Variants in S100Z observed in about 807,000 individuals in gnomAD.
S100Z encodes the protein protein S100-Z.
In S100Z, 11 loss-of-function variants were observed where a neutral mutation model predicts 8.5. The ratio of observed to expected loss-of-function variants is 1.30; its 90% CI spans 0.82 to 2.15. The LOEUF is 2.15. Ranked by LOEUF, S100Z falls within the 30% of genes most tolerant of loss-of-function variation. The pLI, the probability that S100Z is intolerant of heterozygous loss-of-function variation, is 0.00. For missense variants in S100Z, 126 were observed against 117.9 expected, an observed-to-expected ratio of 1.07 and a Z score of -0.32; for synonymous variants, 34 against 43.8, an observed-to-expected ratio of 0.78 and a Z score of 0.89.
At chr5:76,952,309 A>G in the S100Z span, among the ~76,000 whole-genome samples, 2 of 152,240 alleles carry the variant, frequency 1.3e-5, 1 homozygote, top group East Asian at 3.8e-4. Flanking sequence ...ATGGATGCGA[A>G]GGTCATGGCT....
chr5:76,877,419 C>T (rs1231874285), intron 3 of S100Z, among the ~76,000 whole-genome samples: 3 of 152,194 alleles, frequency 2.0e-5, no homozygotes. Flanking sequence ...GCAACAGTCA[C>T]TCACTTTGAT....
chr5:76,856,687 A>G (rs1750890877), intron 1 of S100Z, among the ~76,000 whole-genome samples: 2 of 152,248 alleles, frequency 1.3e-5, no homozygotes, highest in South Asian at 4.1e-4. Context: ...TAAAAGCAAG[A>G]TAGGCAATAG....
chr5:76,867,263 C>T (rs1312605114), intron 1 of S100Z, among the ~76,000 whole-genome samples: 1 of 152,168 alleles, frequency 6.6e-6, no homozygotes, highest in Non-Finnish European at 1.5e-5. Context: ...CACTGAGATT[C>T]CTCATGCTGT....
chr5:76,882,187 TAGAG>T (rs1487571304), intron 4 of S100Z, among the ~76,000 whole-genome samples: 2 of 152,096 alleles, frequency 1.3e-5, no homozygotes, highest in African/African-American at 4.8e-5. Flanking sequence ...ATGAGAACTA[TAGAG>T]AGTGAGTTGA....
intron 4 of S100Z, among the ~76,000 whole-genome samples, chr5:76,897,775 T>C (rs2150667200): frequency 6.6e-6 from 1 of 152,340 alleles, no homozygotes; most frequent in South Asian, 2.1e-4. Context: ...AATTTCTTTT[T>C]TTTGCATTGT....
chr5:76,929,174 C>T, the S100Z span, among the ~76,000 whole-genome samples: 1 of 152,202 alleles, frequency 6.6e-6, no homozygotes, highest in Non-Finnish European at 1.5e-5. Flanking sequence ...GCACCCAACA[C>T]ATGGAAAAAC....
chr5:76,888,109 T>C lies in S100Z; in HGVS notation c.*2+10275T>C, dbSNP rs572316590. On this transcript the variant is annotated intron_variant, in intron 4 of 4. Transcript: ENST00000317593. ...CATCTCTACTAAAAAATACAAAAATTAGCTAGGCATGGTAGTGTGTGCCTG... is the reference window on the plus strand; with the variant it reads ...CATCTCTACTAAAAAATACAAAAATCAGCTAGGCATGGTAGTGTGTGCCTG... 7.2e-4 allele frequency among the ~76,000 whole-genome samples: 109 copies of C among 151,372 alleles called. 1 individual carries two copies. Among genetic ancestry groups the C allele is most frequent in the African/African-American group, 2.5e-3 (102 of 41,266 alleles).
In S100Z at chr5:76,851,133, C is replaced by T. The variant is rs577530865; in HGVS notation, c.-176+978C>T. The stretch of plus-strand genomic sequence containing the variant: ...GAGGTGATACAGGGGCACCCAGAGG[C>T]GGAGTGCTCCCAGGAGCTGAGGGGC... On this transcript the variant is annotated intron_variant, in intron 1 of 4. Transcript: ENST00000317593. Among the ~76,000 whole-genome samples the T allele has an allele frequency of 5.3e-5, 8 of 152,284 alleles. No individual in the cohort carries two copies. The East Asian group carries it at 9.6e-4, about 18-fold the overall frequency.
intron 2 of S100Z, among the ~76,000 whole-genome samples, chr5:76,872,592 T>C (rs539325367): frequency 2.9e-4 from 44 of 151,950 alleles, no homozygotes; most frequent in African/African-American, 9.7e-4. Flanking sequence ...GCCTGGGAGG[T>C]TGAGGTGCAG....
chr5:76,893,976 T>C (rs1743950396), intron 4 of S100Z, among the ~76,000 whole-genome samples: 1 of 152,184 alleles, frequency 6.6e-6, no homozygotes, highest in African/African-American at 2.4e-5. Context: ...CTAAATGGAC[T>C]TCCTCCTCAC....
intron 4 of S100Z, among the ~76,000 whole-genome samples, chr5:76,915,888 T>G (rs1211425611): frequency 2.0e-5 from 3 of 152,016 alleles, no homozygotes; most frequent in Non-Finnish European, 4.4e-5. Context: ...TAAGTGGACT[T>G]CAGAGCAAAC....
At chr5:76,927,880 C>T in the S100Z span, among the ~76,000 whole-genome samples, 2 of 152,060 alleles carry the variant, frequency 1.3e-5, no homozygotes, top group Admixed American at 6.6e-5. Flanking sequence ...AGCAAATTTC[C>T]CAGGATCCTG....
chr5:76,942,371 G>T, the S100Z span, among the ~76,000 whole-genome samples: 2 of 148,238 alleles, frequency 1.3e-5, no homozygotes, highest in East Asian at 4.0e-4. Flanking sequence ...CTCGGCCTCT[G>T]AAAGTGCTGG....
At position 76,890,088 on chromosome 5, in the gene S100Z, A is replaced by G. The variant is rs185007410; in HGVS notation, c.*2+12254A>G. ...ACCCAGGCTGGAGTGCAGTGGCACAATCTCGGCTCACTGCAACCTCTGCCT... is the reference window on the plus strand; with the variant it reads ...ACCCAGGCTGGAGTGCAGTGGCACAGTCTCGGCTCACTGCAACCTCTGCCT... On this transcript the variant is annotated intron_variant, in intron 4 of 4. Coordinates refer to ENST00000317593, the MANE Select transcript of S100Z (RefSeq NM_130772.4). Among the ~76,000 whole-genome samples the G allele has an allele frequency of 1.5e-3, 221 of 152,304 alleles. 2 individuals are homozygous for G. The Middle Eastern group carries it at 0.054, about 38-fold the overall frequency.
the S100Z span, among the ~76,000 whole-genome samples, chr5:76,939,444 G>A: frequency 0.064 from 9,643 of 150,544 alleles, 384 homozygotes; most frequent in East Asian, 0.15. Context: ...GAGCCACTGC[G>A]CCTGGCCTGG....
chr5:76,901,914 A>G (rs1744243067), intron 4 of S100Z, among the ~76,000 whole-genome samples: 1 of 152,088 alleles, frequency 6.6e-6, no homozygotes, highest in African/African-American at 2.4e-5. Flanking sequence ...AGGGCTCTTT[A>G]GTTAGCAGGT....
At chr5:76,937,973 C>T in the S100Z span, among the ~76,000 whole-genome samples, 1 of 151,928 alleles carries the variant, frequency 6.6e-6, no homozygotes, top group Non-Finnish European at 1.5e-5. Context: ...GCGGTGCATG[C>T]CTGTAATTCC....
At chr5:76,919,580 CTT>C (rs1561253628) in intron 4 of S100Z, among the ~76,000 whole-genome samples, 2 of 41,714 alleles carry the variant, frequency 4.8e-5, no homozygotes, top group Non-Finnish European at 4.7e-5. Context: ...CTCTCTCTCT[CTT>C]TCTCTCTCCC....
intron 4 of S100Z, among the ~76,000 whole-genome samples, chr5:76,906,734 G>A (rs1046024441): frequency 6.6e-6 from 1 of 151,412 alleles, no homozygotes. Flanking sequence ...CCAGGTTCAA[G>A]TGATTCTCCT....
Sources: allele counts gnomAD v4.1 joint callset (sites outside exome capture counted in the v4.1 genomes callset), GRCh38; gene constraint gnomAD v4.1.1; transcripts MANE v1.5; gene names NCBI Gene and HGNC (gene_info 2026-07-23, HGNC 2026-07-21).